UQCC5: variants seen among roughly 807,000 people sequenced by gnomAD.
UQCC5 encodes UPF0640 protein C3orf78.
chr3:52,539,671 G>T, the UQCC5 span, among the ~76,000 whole-genome samples: 1 of 149,250 alleles, frequency 6.7e-6, no homozygotes, highest in Non-Finnish European at 1.5e-5. Context: ...CAGAGTCTTG[G>T]TCTGTCACCC....
chr3:52,536,864 G>GA, the UQCC5 span: 1 of 1,551,728 alleles, frequency 6.4e-7, no homozygotes, highest in South Asian at 1.2e-5. Context: ...AGGAACGATG[G>GA]AGTGGATCAT....
the UQCC5 span, chr3:52,540,561 C>T: frequency 9.3e-7 from 1 of 1,072,310 alleles, no homozygotes; most frequent in Non-Finnish European, 1.3e-6. Flanking sequence ...ATATACTTTT[C>T]AGATCTCTTG....
the UQCC5 span, chr3:52,541,234 T>A: frequency 1.3e-5 from 2 of 152,172 alleles, no homozygotes; most frequent in African/African-American, 4.8e-5. Flanking sequence ...TTGAGTGATT[T>A]GGCAATCTGA....
the UQCC5 span, chr3:52,536,632 A>G: frequency 7.4e-6 from 11 of 1,478,448 alleles, no homozygotes; most frequent in Non-Finnish European, 9.9e-6. Flanking sequence ...ACAGTGGCGG[A>G]GGACGGCGCT....
chr3:52,536,651 T>A, the UQCC5 span: 1 of 1,500,046 alleles, frequency 6.7e-7, no homozygotes, highest in Non-Finnish European at 8.9e-7. Flanking sequence ...CTCGCTAGTC[T>A]CCCAGGTCGC....
the UQCC5 span, chr3:52,536,606 C>G: frequency 6.9e-7 from 1 of 1,454,154 alleles, no homozygotes; most frequent in Middle Eastern, 2.5e-4. Context: ...AGTTCCGGCA[C>G]TCGTGCGCCT....
the UQCC5 span, chr3:52,541,143 AAC>A: frequency 4.9e-4 from 74 of 152,342 alleles, no homozygotes; most frequent in African/African-American, 1.7e-3. Flanking sequence ...AGCTGCTAGA[AAC>A]AGTTGCTCCT....
the UQCC5 span, chr3:52,536,835 CCTT>C: frequency 7.7e-6 from 12 of 1,551,708 alleles, no homozygotes; most frequent in Non-Finnish European, 1.0e-5. Flanking sequence ...CGGTTCCTGC[CCTT>C]CTTTTTTGTC....
the UQCC5 span, chr3:52,541,054 T>A: frequency 6.6e-6 from 1 of 152,370 alleles, no homozygotes; most frequent in Admixed American, 6.5e-5. Flanking sequence ...TCCCCTAAAC[T>A]GCAAGGGCTG....
the UQCC5 span, among the ~76,000 whole-genome samples, chr3:52,539,535 T>C: frequency 1.3e-5 from 2 of 152,048 alleles, no homozygotes; most frequent in African/African-American, 4.8e-5. Flanking sequence ...TCAAGGAACC[T>C]GAGCCAGAGG....
chr3:52,541,263 C>T, the UQCC5 span: 2 of 151,854 alleles, frequency 1.3e-5, no homozygotes, highest in Non-Finnish European at 2.9e-5. Flanking sequence ...AAGTTTGGAT[C>T]AGCCTGGTAG....
At chr3:52,537,155 C>T in the UQCC5 span, among the ~76,000 whole-genome samples, 1 of 152,214 alleles carries the variant, frequency 6.6e-6, no homozygotes, top group South Asian at 2.1e-4. Context: ...CCCTCTCATG[C>T]CTGCCCTTCA....
the UQCC5 span, among the ~76,000 whole-genome samples, chr3:52,538,230 A>G: frequency 6.6e-5 from 10 of 152,090 alleles, no homozygotes; most frequent in Admixed American, 2.0e-4. Flanking sequence ...GATTAAGTGG[A>G]CTCAGGAGAT....
the UQCC5 span, chr3:52,541,762 A>G: frequency 2.6e-5 from 4 of 152,218 alleles, no homozygotes; most frequent in African/African-American, 9.6e-5. Context: ...ATGATTCTCA[A>G]TTATATGGCC....
At chr3:52,536,890 G>A in the UQCC5 span, 1 of 1,551,642 alleles carries the variant, frequency 6.4e-7, no homozygotes, top group Non-Finnish European at 8.7e-7. Flanking sequence ...AAGTGCGCGT[G>A]GGCCAGGAGA....
At chr3:52,536,750 T>G in the UQCC5 span, 1 of 1,551,736 alleles carries the variant, frequency 6.4e-7, no homozygotes, top group South Asian at 1.2e-5. Flanking sequence ...ACGACCTCGG[T>G]CGAGCATGTT....
chr3:52,539,078 G>C, the UQCC5 span, among the ~76,000 whole-genome samples: 1 of 152,062 alleles, frequency 6.6e-6, no homozygotes, highest in African/African-American at 2.4e-5. Context: ...TGGCCATTTG[G>C]GGGTGGGTGA....
At chr3:52,536,689 T>G in the UQCC5 span, 1 of 1,535,380 alleles carries the variant, frequency 6.5e-7, no homozygotes, top group Non-Finnish European at 8.8e-7. Flanking sequence ...GGCGGGGCGG[T>G]CTCGGCTGCG....
At chr3:52,541,633 T>C in the UQCC5 span, 1 of 152,202 alleles carries the variant, frequency 6.6e-6, no homozygotes, top group African/African-American at 2.4e-5. Flanking sequence ...ACCTCTGCCA[T>C]CAGGGAGAGG....
Sources: gnomAD v4.1 joint callset for allele counts (sites outside exome capture counted in the v4.1 genomes callset) on GRCh38, gnomAD v4.1.1 for gene constraint, MANE v1.5 for transcripts, NCBI Gene and HGNC (gene_info 2026-07-23, HGNC 2026-07-21) for gene names.